PSMC1: variants seen among roughly 807,000 people sequenced by gnomAD.
The protein encoded by PSMC1 is proteasome 26S subunit, ATPase 1.
In PSMC1, 5 loss-of-function variants were observed where a neutral mutation model predicts 49.8. That is an observed-to-expected ratio of 0.10 (90% CI 0.05 to 0.21). The LOEUF (loss-of-function observed/expected upper bound fraction) is 0.21. Ranked by LOEUF, PSMC1 falls within the 10% of genes least tolerant of loss-of-function variation. PSMC1 has a pLI of 1.00. For synonymous variants in PSMC1, 155 were observed against 192.1 expected, an observed-to-expected ratio of 0.81 and a Z score of 1.60; for missense variants, 181 against 535.7, an observed-to-expected ratio of 0.34 and a Z score of 6.54.
chr14:90,265,066 A>C lies in PSMC1; in HGVS notation c.595-4A>C, dbSNP rs375478816. On this transcript the variant is annotated splice_polypyrimidine_tract_variant and splice_region_variant and intron_variant, in intron 6 of 10. Transcript: ENST00000261303. ...AAGCCTTTCATTCATACTGTTTTTC[A>C]TAGGAATCTGTGGAGCTTCCTCTCA... 8.7e-6 allele frequency: 14 copies of C among 1,601,710 alleles called. No individual in the cohort carries two copies. Among genetic ancestry groups the C allele is most frequent in the South Asian group, 3.3e-5 (3 of 90,616 alleles).
intron 7 of PSMC1, among the ~76,000 whole-genome samples, chr14:90,266,538 C>G (rs1323175171): frequency 6.6e-6 from 1 of 152,200 alleles, no homozygotes; most frequent in Non-Finnish European, 1.5e-5. Flanking sequence ...GCCCAAGGCC[C>G]CTGTGGGAGT....
chr14:90,262,370 A>C (rs1891417281), intron 3 of PSMC1, among the ~76,000 whole-genome samples: 1 of 152,078 alleles, frequency 6.6e-6, no homozygotes, highest in African/African-American at 2.4e-5. Context: ...TAGATTCTTG[A>C]CTCTTGCCAA....
chr14:90,262,600 C>T (rs1595041317), intron 3 of PSMC1, among the ~76,000 whole-genome samples: 2 of 152,040 alleles, frequency 1.3e-5, no homozygotes, highest in African/African-American at 4.8e-5. Flanking sequence ...CTGGCTAACA[C>T]GTTGAAACCC....
Position 90,269,541 on chromosome 14 carries a change from C to T in PSMC1, c.1026C>T (p.Ile342=), listed in dbSNP as rs1324959087. Residue 342 remains isoleucine, a synonymous_variant, in exon 9 of 11, where the codon ATC becomes ATT. Coordinates refer to ENST00000261303, the MANE Select transcript of PSMC1 (RefSeq NM_002802.3). The part of the protein sequence containing the change: ...NRIETLDPAL[I]RPGRIDRKIE... ...TAGAAACTTTGGATCCAGCACTTAT[C>T]AGACCAGGTTAAATTTGCTTTGGTT... 3.7e-6 allele frequency: 6 copies of T among 1,613,268 alleles called. No individual in the cohort carries two copies. Among genetic ancestry groups the T allele is most frequent in the Admixed American group, 3.3e-5 (2 of 59,880 alleles).
At chr14:90,264,443 A>G (rs571106418) in intron 6 of PSMC1, among the ~76,000 whole-genome samples, 24 of 152,218 alleles carry the variant, frequency 1.6e-4, no homozygotes, top group Admixed American at 1.3e-3. Context: ...AATGTTTCTG[A>G]TTATGTTGAC....
chr14:90,274,840 C>CACACA lies in PSMC1; in HGVS notation c.*2433_*2434insACACA, dbSNP rs1891768392. 3 of 110,052 alleles carry CACACA rather than the reference C, an allele frequency of 2.7e-5. No homozygotes were observed. Among genetic ancestry groups the CACACA allele is most frequent in the Non-Finnish European group, 5.8e-5 (3 of 51,850 alleles). 6.8% of individuals were successfully genotyped at this position (110,052 alleles called of 1,614,324 possible). A position where few individuals can be genotyped will look rare whatever the true frequency, so the allele number is the denominator to read the frequency against. Reference sequence around the variant, plus strand: ...CACACACACACACACACACACACACCCCAATACATATGAATTGATCTGAAA... The same window carrying CACACA: ...CACACACACACACACACACACACACCACACACCAATACATATGAATTGATCTGAAA... On this transcript the variant is annotated 3_prime_UTR_variant, in exon 11 of 11. Transcript: ENST00000261303.
At chr14:90,262,928 G>A (rs1285063297) in intron 3 of PSMC1, among the ~76,000 whole-genome samples, 1 of 152,166 alleles carries the variant, frequency 6.6e-6, no homozygotes, top group Non-Finnish European at 1.5e-5. Context: ...ACAAATAGAT[G>A]AGTATGTATA....
At chr14:90,268,531 C>A in intron 8 of PSMC1, 118 bp downstream of exon 8, 1 of 966,028 alleles carries the variant, frequency 1.0e-6, no homozygotes. Flanking sequence ...CTGTGCGTGG[C>A]CTTCCATGCA....
At chr14:90,269,595 T>C in intron 9 of PSMC1, 47 bp downstream of exon 9, 1 of 1,587,690 alleles carries the variant, frequency 6.3e-7, no homozygotes, top group South Asian at 1.1e-5. Context: ...TGTTTATATA[T>C]TTGTGTTTAA....
chr14:90,257,606 A>T (rs1164172709), intron 1 of PSMC1, among the ~76,000 whole-genome samples: 4 of 152,006 alleles, frequency 2.6e-5, no homozygotes, highest in Non-Finnish European at 5.9e-5. Context: ...TTTTTATTTT[A>T]ATTTTAATTT....
At chr14:90,262,444 G>A (rs916880934) in intron 3 of PSMC1, among the ~76,000 whole-genome samples, 3 of 151,966 alleles carry the variant, frequency 2.0e-5, no homozygotes, top group Admixed American at 1.3e-4. Flanking sequence ...TTAACCTTAG[G>A]GAAGAAGACA....
chr14:90,264,885 C>T (rs1395195762), intron 6 of PSMC1, among the ~76,000 whole-genome samples, 185 bp from the exon 7 acceptor site: 1 of 152,176 alleles, frequency 6.6e-6, no homozygotes, highest in South Asian at 2.1e-4. Context: ...GTGCGGGGAA[C>T]TCAAGCAGGA....
At chr14:90,271,957 A>C (rs531003879) in intron 10 of PSMC1, 37 of 203,362 alleles carry the variant, frequency 1.8e-4, no homozygotes, top group Non-Finnish European at 3.4e-4. Context: ...CAGTGGCGCG[A>C]TCTCGGCTCA....
chr14:90,268,445 T>G (rs765045067), intron 8 of PSMC1, 32 bp downstream of exon 8: 13 of 1,604,588 alleles, frequency 8.1e-6, no homozygotes, highest in Non-Finnish European at 1.1e-5. Flanking sequence ...TTGCCTTGTT[T>G]AGTAGGGAAC....
At chr14:90,256,695 G>A in intron 1 of PSMC1, 95 bp downstream of exon 1, 1 of 1,524,616 alleles carries the variant, frequency 6.6e-7, no homozygotes, top group South Asian at 1.2e-5. Context: ...CCGAGGAACT[G>A]GGACAGCCCT....
At position 90,271,841 on chromosome 14, in the gene PSMC1, A is replaced by G. The variant is rs4904665; in HGVS notation, c.1189-432A>G. ...TTTTTTAAAAATCAAATCTTTCCCA[A>G]ATAAGCAATTTGTGTTTAGTCTAGG... On this transcript the variant is annotated intron_variant, in intron 10 of 10. Transcript: ENST00000261303. The G allele has an allele frequency of 7.7e-3, 1,175 of 152,656 alleles. 9 individuals carry two copies. The highest frequency in any genetic ancestry group is 8.3e-3 in the Non-Finnish European group (565 of 68,274). 9.5% of individuals were successfully genotyped at this position (152,656 alleles called of 1,614,324 possible).
rs890842661 is a variant in PSMC1 at position 90,272,652 on chromosome 14, C to T, written c.*245C>T. The T allele has an allele frequency of 8.5e-6, 3 of 355,000 alleles. No individual in the cohort carries two copies. Among genetic ancestry groups the T allele is most frequent in the Non-Finnish European group, 1.1e-5 (2 of 185,644 alleles). The allele number at this position is 355,000 out of a possible 1,614,324, so 22.0% of individuals were successfully genotyped here. A position where few individuals can be genotyped will look rare whatever the true frequency, so the allele number is the denominator to read the frequency against. ...TTCCTGTTTCTGCAGTCTCCACACACACCTACCGCTCAACAGCAGCCTGTG... is the reference window on the plus strand; with the variant it reads ...TTCCTGTTTCTGCAGTCTCCACACATACCTACCGCTCAACAGCAGCCTGTG... On this transcript the variant is annotated 3_prime_UTR_variant, in exon 11 of 11. Transcript: ENST00000261303. This position sits in a 1 kb window ranked among gnomAD's most constrained non-coding sequence, Gnocchi z 4.5.
intron 7 of PSMC1, 104 bp downstream of exon 7, chr14:90,265,270 CT>C: frequency 1.3e-6 from 1 of 773,566 alleles, no homozygotes; most frequent in Admixed American, 2.5e-5. Context: ...ACCACAATTC[CT>C]TAGTTTAAAA....
At chr14:90,259,124 C>G in intron 1 of PSMC1, 36 bp from the exon 2 acceptor site, 1 of 1,607,106 alleles carries the variant, frequency 6.2e-7, no homozygotes, top group Non-Finnish European at 8.5e-7. Flanking sequence ...TGATCATATT[C>G]TGAATTTACA....
Sources: allele counts gnomAD v4.1 joint callset (sites outside exome capture counted in the v4.1 genomes callset), GRCh38; gene constraint gnomAD v4.1.1; non-coding constraint Gnocchi (gnomAD v3.1); transcripts MANE v1.5; gene names NCBI Gene and HGNC (gene_info 2026-07-23, HGNC 2026-07-21).